The following STXBP5L variants were observed in gnomAD, a reference collection of about 807,000 sequenced individuals.
STXBP5L encodes syntaxin binding protein 5L.
A neutral mutation model predicts 144.5 loss-of-function variants in STXBP5L; 65 were observed. That is an observed-to-expected ratio of 0.45 (90% CI 0.37 to 0.55). STXBP5L has a LOEUF of 0.55. STXBP5L is among the 20% of genes least tolerant of loss of function. The probability of loss-of-function intolerance (pLI) is 0.00; values close to 1 mark genes in which losing one functional copy is unlikely to be tolerated. For synonymous variants in STXBP5L, 505 were observed against 469.6 expected (o/e 1.08, Z -0.97); for missense variants, 1,298 against 1,405.5 (o/e 0.92, Z 1.22).
At chr3:121,348,899 A>C (rs2108605600) in intron 20 of STXBP5L, among the ~76,000 whole-genome samples, 1 of 152,136 alleles carries the variant, frequency 6.6e-6, no homozygotes, top group East Asian at 1.9e-4. Context: ...TGACCTTTTC[A>C]AAAAACCAAC....
chr3:121,280,272 C>G (rs1486419585), intron 19 of STXBP5L, among the ~76,000 whole-genome samples: 1 of 151,532 alleles, frequency 6.6e-6, no homozygotes, highest in Non-Finnish European at 1.5e-5. Flanking sequence ...AATTAGGGCT[C>G]TGTAGTTGAA....
chr3:121,210,591 T>G (rs1425056162), intron 10 of STXBP5L, among the ~76,000 whole-genome samples: 2 of 152,200 alleles, frequency 1.3e-5, no homozygotes, highest in South Asian at 2.1e-4. Flanking sequence ...TTAATCCATC[T>G]TGAATTAATT....
intron 6 of STXBP5L, among the ~76,000 whole-genome samples, chr3:121,120,268 A>AT (rs1162886005): frequency 2.0e-5 from 3 of 151,312 alleles, no homozygotes; most frequent in Admixed American, 2.0e-4. Context: ...ATTTAAAGAC[A>AT]TTAAACCTTA....
At chr3:121,381,779 A>G (rs1040633526) in intron 22 of STXBP5L, among the ~76,000 whole-genome samples, 36 of 152,130 alleles carry the variant, frequency 2.4e-4, no homozygotes, top group African/African-American at 7.7e-4. Context: ...GAACAATGAC[A>G]TGGGAAATAA....
chr3:121,213,043 T>G (rs1305067619), intron 10 of STXBP5L, among the ~76,000 whole-genome samples: 1 of 152,210 alleles, frequency 6.6e-6, no homozygotes, highest in East Asian at 1.9e-4. Context: ...ATTCTTGTGA[T>G]TTTTGCAAAT....
intron 3 of STXBP5L, among the ~76,000 whole-genome samples, chr3:120,966,166 G>C (rs754752896): frequency 5.9e-5 from 9 of 152,118 alleles, no homozygotes; most frequent in South Asian, 4.1e-4. Context: ...GTTTATTCTA[G>C]TTAGCCATTC....
intron 5 of STXBP5L, among the ~76,000 whole-genome samples, chr3:121,113,230 C>A (rs542086937): frequency 1.7e-4 from 26 of 152,016 alleles, no homozygotes; most frequent in Non-Finnish European, 3.7e-4. Context: ...TACTTGAACC[C>A]CTATATTTAT....
intron 7 of STXBP5L, among the ~76,000 whole-genome samples, chr3:121,139,313 C>A (rs1024616594): frequency 6.6e-6 from 1 of 152,040 alleles, no homozygotes; most frequent in Non-Finnish European, 1.5e-5. Flanking sequence ...GGTCATTACA[C>A]ATTGTTCAAA....
intron 22 of STXBP5L, among the ~76,000 whole-genome samples, chr3:121,393,513 G>A (rs1001757214): frequency 6.6e-6 from 1 of 152,124 alleles, no homozygotes; most frequent in Non-Finnish European, 1.5e-5. Flanking sequence ...CTAAGCCAAT[G>A]TCCACACAAG....
At chr3:121,386,595 C>G (rs376248339) in intron 22 of STXBP5L, among the ~76,000 whole-genome samples, 1 of 151,902 alleles carries the variant, frequency 6.6e-6, no homozygotes, top group Admixed American at 6.6e-5. Context: ...ATGTTCCCTG[C>G]GCTGTGTCCA....
intron 2 of STXBP5L, among the ~76,000 whole-genome samples, chr3:120,928,541 A>G (rs1201583772): frequency 2.0e-5 from 3 of 152,088 alleles, no homozygotes; most frequent in South Asian, 2.1e-4. Context: ...GATTACAAGT[A>G]TGAGCCACCG....
At chr3:121,345,876 A>T (rs571804044) in intron 20 of STXBP5L, among the ~76,000 whole-genome samples, 1 of 152,090 alleles carries the variant, frequency 6.6e-6, no homozygotes, top group South Asian at 2.1e-4. Flanking sequence ...CTCCTTCCCT[A>T]ATCCCAAACT....
intron 2 of STXBP5L, among the ~76,000 whole-genome samples, chr3:120,915,540 A>G (rs1709061992): frequency 6.6e-6 from 1 of 152,162 alleles, no homozygotes; most frequent in Non-Finnish European, 1.5e-5. Context: ...AAGTATCAAA[A>G]TGATGATCTT....
chr3:120,937,888 C>T (rs1294425359), intron 2 of STXBP5L, among the ~76,000 whole-genome samples: 2 of 152,040 alleles, frequency 1.3e-5, no homozygotes, highest in Non-Finnish European at 2.9e-5. Context: ...GATTTTGATA[C>T]ACAATAATAG....
intron 3 of STXBP5L, among the ~76,000 whole-genome samples, chr3:121,004,179 T>C (rs1213299916): frequency 1.3e-5 from 2 of 152,220 alleles, no homozygotes; most frequent in African/African-American, 2.4e-5. Context: ...TTCCTACCCA[T>C]GATCATGGAA....
At chr3:121,297,937 C>A (rs2051725511) in intron 19 of STXBP5L, among the ~76,000 whole-genome samples, 1 of 152,204 alleles carries the variant, frequency 6.6e-6, no homozygotes, top group African/African-American at 2.4e-5. Context: ...CTGCATTGAA[C>A]ATGAGAATGC....
intron 5 of STXBP5L, among the ~76,000 whole-genome samples, chr3:121,094,403 G>T (rs1454111738): frequency 6.6e-6 from 1 of 152,066 alleles, no homozygotes; most frequent in Admixed American, 6.6e-5. Context: ...TTGTGTGGGA[G>T]TCTAAGTCTC....
At chr3:121,025,348 T>C (rs995402215) in intron 3 of STXBP5L, among the ~76,000 whole-genome samples, 39 of 152,222 alleles carry the variant, frequency 2.6e-4, no homozygotes, top group Non-Finnish European at 1.3e-4. Context: ...AGAAATACTA[T>C]TGCTTATAAC....
At chr3:120,942,967 A>G (rs1257046442) in intron 2 of STXBP5L, among the ~76,000 whole-genome samples, 2 of 151,702 alleles carry the variant, frequency 1.3e-5, no homozygotes, top group Non-Finnish European at 3.0e-5. Flanking sequence ...ACCTAATGAT[A>G]TAATCATGGT....
Sources: gnomAD v4.1 joint callset for allele counts (sites outside exome capture counted in the v4.1 genomes callset) on GRCh38, gnomAD v4.1.1 for gene constraint, MANE v1.5 for transcripts, NCBI Gene and HGNC (gene_info 2026-07-23, HGNC 2026-07-21) for gene names.